The following HSPA13 variants were observed in gnomAD, a reference collection of about 807,000 sequenced individuals.
HSPA13 encodes heat shock 70 kDa protein 13.
Under a neutral mutation model 38.8 loss-of-function variants are expected in HSPA13, and 29 were observed. The ratio of observed to expected loss-of-function variants is 0.75; its 90% confidence interval spans 0.56 to 1.02. The LOEUF (loss-of-function observed/expected upper bound fraction) is 1.02. HSPA13 is among the 50% of genes least tolerant of loss of function. The pLI, the probability that HSPA13 is intolerant of heterozygous loss-of-function variation, is 0.00. For synonymous variants in HSPA13, 192 were observed against 205.3 expected, an observed-to-expected ratio of 0.94 and a Z score of 0.56; for missense variants, 451 against 560.9, an observed-to-expected ratio of 0.80 and a Z score of 1.98.
intron 3 of HSPA13, among the ~76,000 whole-genome samples, chr21:14,376,905 A>G (rs1302107645): frequency 6.6e-6 from 1 of 152,158 alleles, no homozygotes; most frequent in Non-Finnish European, 1.5e-5. Flanking sequence ...ACCAAAAGCA[A>G]CCTTGACCCA....
chr21:14,379,243 T>C (rs1192230850), intron 2 of HSPA13, among the ~76,000 whole-genome samples: 8 of 152,308 alleles, frequency 5.3e-5, no homozygotes, highest in East Asian at 1.9e-4. Context: ...CATTAGCTCA[T>C]TGTCCCCGAT....
rs375337606 is a variant in HSPA13 at position 14,374,124 on chromosome 21, T to C, written c.909A>G (p.Gln303=). The C allele has an allele frequency of 1.3e-5, 21 of 1,614,148 alleles. No individual in the cohort carries two copies. The highest frequency in any genetic ancestry group is 8.8e-5 in the South Asian group (8 of 91,082). The stretch of plus-strand genomic sequence containing the variant: ...TTAGTAATACTGACAACTGAGCAGA[T>C]TGATGAAGAGTCAGATTTAATTTGA... The part of the protein sequence containing the change: ...EMVKLNLTLH[Q]SAQLSVLLTV... The change falls in exon 5 of 5, where the codon CAA becomes CAG. Residue 303 remains glutamine (Q), a synonymous_variant. Transcript: ENST00000285667.
intron 1 of HSPA13, among the ~76,000 whole-genome samples, chr21:14,382,506 T>C (rs1429427773): frequency 6.6e-6 from 1 of 152,104 alleles, no homozygotes; most frequent in Non-Finnish European, 1.5e-5. Flanking sequence ...TACTAATTGT[T>C]AGCTCATCCT....
At position 14,378,266 on chromosome 21, in the gene HSPA13, G is replaced by A; in HGVS notation, c.513C>T (p.Val171=). Residue 171 remains valine (V), a synonymous_variant, in exon 3 of 5, where the codon GTC becomes GTT. Coordinates refer to ENST00000285667, the MANE Select transcript of HSPA13 (RefSeq NM_006948.5). Reference sequence around the variant, plus strand: ...GATCAAATTCTGCTGGTACAGAAATGACAGCATTGGCAACTGGCATTCCAA... The same window carrying A: ...GATCAAATTCTGCTGGTACAGAAATAACAGCATTGGCAACTGGCATTCCAA... ...AYLGMPVANA[V]ISVPAEFDLK... 6.2e-7 allele frequency: 1 copy of A among 1,614,112 alleles called. No homozygotes were observed. The highest frequency in any genetic ancestry group is 8.5e-7 in the Non-Finnish European group (1 of 1,179,994).
intron 4 of HSPA13, 74 bp from the exon 5 acceptor site, chr21:14,374,358 C>T (rs942815130): frequency 6.0e-5 from 63 of 1,044,198 alleles, no homozygotes; most frequent in African/African-American, 3.1e-4. Flanking sequence ...ATTATGTATA[C>T]GTAAAAATTA....
At position 14,373,715 on chromosome 21, in the gene HSPA13, C is replaced by T; in HGVS notation, c.1318G>A (p.Val440Met). The change falls in exon 5 of 5, where the codon GTG (valine) becomes ATG (methionine). Residue 440 changes from valine (V) to methionine (M), a missense_variant. Val to Met is a conservative substitution (Grantham distance 21). Coordinates refer to ENST00000285667, the MANE Select transcript of HSPA13 (RefSeq NM_006948.5). The stretch of plus-strand genomic sequence containing the variant: ...CCATCAATCCCTGCTTGGATAGCCA[C>T]TCCCGTTACTACTGCTAGGTCAGGG... ...VDPDLAVVTG[V>M]AIQAGIDGGS... The T allele has an allele frequency of 6.2e-7, 1 of 1,614,210 alleles. No homozygotes were observed. The highest frequency in any genetic ancestry group is 8.5e-7 in the Non-Finnish European group (1 of 1,180,024).
At chr21:14,378,702 C>T (rs1413742808) in intron 2 of HSPA13, among the ~76,000 whole-genome samples, 2 of 151,706 alleles carry the variant, frequency 1.3e-5, no homozygotes, top group Non-Finnish European at 2.9e-5. Context: ...TCACCACAAC[C>T]TCCGCCTCCT....
intron 3 of HSPA13, among the ~76,000 whole-genome samples, chr21:14,377,751 T>C (rs1984064498): frequency 6.6e-6 from 1 of 152,238 alleles, no homozygotes; most frequent in Non-Finnish European, 1.5e-5. Context: ...GCCTGAGTCT[T>C]CTGGCCTCCA....
chr21:14,376,230 G>A (rs1176558131), intron 3 of HSPA13, among the ~76,000 whole-genome samples: 1 of 152,100 alleles, frequency 6.6e-6, no homozygotes, highest in Non-Finnish European at 1.5e-5. Flanking sequence ...TGGCTAACAC[G>A]GTGAAACCCC....
rs1982819815 is a variant in HSPA13, at chr21:14,371,261, G to A, written c.*2356C>T. ...ACACAGCAGTATCTGTTAAGTCAGTGGTTTGAGTGAAAACACAGTACCAAA... is the reference window on the plus strand; with the variant it reads ...ACACAGCAGTATCTGTTAAGTCAGTAGTTTGAGTGAAAACACAGTACCAAA... On this transcript the variant is annotated 3_prime_UTR_variant, in exon 5 of 5. Transcript: ENST00000285667. 6.6e-6 allele frequency: 1 copy of A among 152,492 alleles called. No homozygotes were observed. Among genetic ancestry groups the A allele is most frequent in the Admixed American group, 6.6e-5 (1 of 15,264 alleles). 9.4% of individuals were successfully genotyped at this position (152,492 alleles called of 1,614,324 possible).
At chr21:14,381,094 T>G in intron 2 of HSPA13, 109 bp downstream of exon 2, 1 of 819,924 alleles carries the variant, frequency 1.2e-6, no homozygotes, top group Non-Finnish European at 1.9e-6. Flanking sequence ...AGAACTTTCA[T>G]GTATTAATAG....
rs866836668 is a variant in HSPA13 at position 14,371,999 on chromosome 21, C to T, written c.*1618G>A. 9.8e-5 allele frequency: 15 copies of T among 152,430 alleles called. No homozygotes were observed. The highest frequency in any genetic ancestry group is 3.4e-4 in the African/African-American group (14 of 41,424). The allele number at this position is 152,430 out of a possible 1,614,324, so 9.4% of individuals were successfully genotyped here. A position where few individuals can be genotyped will look rare whatever the true frequency, so the allele number is the denominator to read the frequency against. On this transcript the variant is annotated 3_prime_UTR_variant, in exon 5 of 5. Coordinates refer to ENST00000285667, the MANE Select transcript of HSPA13 (RefSeq NM_006948.5). ...TATACTTTTCTATCTACCTACTATACATATTTTCTATACACAAAAGTATTT... is the reference window on the plus strand; with the variant it reads ...TATACTTTTCTATCTACCTACTATATATATTTTCTATACACAAAAGTATTT...
intron 3 of HSPA13, among the ~76,000 whole-genome samples, chr21:14,377,649 G>A (rs2123525564): frequency 6.6e-6 from 1 of 152,332 alleles, no homozygotes; most frequent in Non-Finnish European, 1.5e-5. Context: ...GGCAGAGGCA[G>A]ATCCACCCTC....
At chr21:14,380,983 C>T (rs572190358) in intron 2 of HSPA13, among the ~76,000 whole-genome samples, 10 of 152,268 alleles carry the variant, frequency 6.6e-5, no homozygotes, top group Admixed American at 5.9e-4. Flanking sequence ...GAGGATGGGA[C>T]AGCAAGAAAA....
intron 4 of HSPA13, among the ~76,000 whole-genome samples, chr21:14,375,271 G>T (rs1983990615): frequency 6.6e-6 from 1 of 152,040 alleles, no homozygotes. Context: ...GCCGTAATTG[G>T]GTAACTGGCA....
rs1984077338 is a variant in HSPA13 at position 14,378,266 on chromosome 21, G to C, written c.513C>G (p.Val171=). The part of the protein sequence containing the change: ...AYLGMPVANA[V]ISVPAEFDLK... ...GATCAAATTCTGCTGGTACAGAAATGACAGCATTGGCAACTGGCATTCCAA... is the reference window on the plus strand; with the variant it reads ...GATCAAATTCTGCTGGTACAGAAATCACAGCATTGGCAACTGGCATTCCAA... The change falls in exon 3 of 5, where the codon GTC becomes GTG. Residue 171 remains valine, a synonymous_variant. Transcript: ENST00000285667. 1 of 1,614,112 alleles carries C rather than the reference G, an allele frequency of 6.2e-7. No homozygotes were observed. The highest frequency in any genetic ancestry group is 8.5e-7 in the Non-Finnish European group (1 of 1,179,994).
Position 14,374,069 on chromosome 21 carries a change from G to A in HSPA13, c.964C>T (p.His322Tyr), listed in dbSNP as rs1440057453. 1.2e-6 allele frequency: 2 copies of A among 1,614,064 alleles called. No individual in the cohort carries two copies. Among genetic ancestry groups the A allele is most frequent in the African/African-American group, 1.3e-5 (1 of 74,930 alleles). ...TVEEQDRKEP[H>Y]SSDTELPKDK... is the part of the protein sequence containing the mutation. ...TTTGGCAGTTCAGTGTCACTACTGT[G>A]AGGTTCCTTCCTGTCCTGCTCCTCC... Residue 322 changes from histidine to tyrosine, a missense_variant, in exon 5 of 5, where the codon CAC becomes TAC. Transcript: ENST00000285667.
At chr21:14,379,534 C>A (rs1405934531) in intron 2 of HSPA13, among the ~76,000 whole-genome samples, 1 of 151,920 alleles carries the variant, frequency 6.6e-6, no homozygotes, top group East Asian at 1.9e-4. Flanking sequence ...AAAACAACAA[C>A]AAAAAAATCA....
rs779586688 is a variant in HSPA13 at position 14,383,133 on chromosome 21, A to G, written c.-14T>C. The stretch of plus-strand genomic sequence containing the variant: ...CTCTCTGGCCATCACAGTCCCGCCG[A>G]ACAGGCTTGTGATGACTGTACCAGA... On this transcript the variant is annotated 5_prime_UTR_variant, in exon 1 of 5. Transcript: ENST00000285667. The G allele has an allele frequency of 5.6e-6, 9 of 1,613,996 alleles. No individual in the cohort carries two copies. Among genetic ancestry groups the G allele is most frequent in the South Asian group, 1.1e-5 (1 of 91,070 alleles).
Sources: allele counts gnomAD v4.1 joint callset (sites outside exome capture counted in the v4.1 genomes callset), GRCh38; gene constraint gnomAD v4.1.1; transcripts MANE v1.5; gene names NCBI Gene and HGNC (gene_info 2026-07-23, HGNC 2026-07-21).